ZFHX3: variants seen among roughly 807,000 people sequenced by gnomAD.
ZFHX3 encodes the protein zinc finger homeobox 3.
Under a neutral mutation model 279.1 loss-of-function variants are expected in ZFHX3, and 42 were observed. The ratio of observed to expected loss-of-function variants is 0.15; its 90% confidence interval spans 0.12 to 0.19. The LOEUF is 0.19. Ranked by LOEUF, ZFHX3 falls within the 10% of genes least tolerant of loss-of-function variation. The pLI is 1.00. For missense variants in ZFHX3, 4,981 were observed against 4,754.0 expected (o/e 1.05, Z -1.40); for synonymous variants, 2,293 against 1,957.8 (o/e 1.17, Z -4.52).
chr16:73,801,043 C>G (rs1960131764), intron 1 of ZFHX3, among the ~76,000 whole-genome samples: 1 of 152,186 alleles, frequency 6.6e-6, no homozygotes, highest in African/African-American at 2.4e-5. Flanking sequence ...AGCATTGACA[C>G]TGCCTGGAAA....
chr16:72,901,357 T>C (rs758484136), intron 3 of ZFHX3, among the ~76,000 whole-genome samples: 26 of 152,188 alleles, frequency 1.7e-4, no homozygotes, highest in Non-Finnish European at 3.7e-4. Flanking sequence ...AATTTGGTGC[T>C]CAAACCCAGA....
chr16:73,301,660 A>C (rs1350445291), intron 4 of ZFHX3, among the ~76,000 whole-genome samples: 1 of 152,212 alleles, frequency 6.6e-6, no homozygotes, highest in Non-Finnish European at 1.5e-5. Context: ...CCCGATACCA[A>C]GAAAGAGAGA....
intron 3 of ZFHX3, among the ~76,000 whole-genome samples, chr16:73,363,802 T>A (rs1597302245): frequency 2.0e-5 from 3 of 152,098 alleles, no homozygotes; most frequent in South Asian, 2.1e-4. Flanking sequence ...ACGGATAGCA[T>A]CCCTGGCCTC....
At chr16:73,812,863 G>A (rs1960461954) in intron 1 of ZFHX3, among the ~76,000 whole-genome samples, 1 of 152,182 alleles carries the variant, frequency 6.6e-6, no homozygotes, top group Non-Finnish European at 1.5e-5. Context: ...CTCCCAATAT[G>A]GGAGCAGCCT....
At position 72,958,115 on chromosome 16, in the gene ZFHX3, G is replaced by T. The variant is rs774876285; in HGVS notation, c.2031C>A (p.Asn677Lys). 1 of 1,614,200 alleles carries T rather than the reference G, an allele frequency of 6.2e-7. No homozygotes were observed. Among genetic ancestry groups the T allele is most frequent in the South Asian group, 1.1e-5 (1 of 91,090 alleles). The change falls in exon 2 of 10, where the codon AAC (asparagine) becomes AAA (lysine). Residue 677 changes from asparagine (N) to lysine (K), a missense_variant. This residue lies in a region of ZFHX3 where 1,068 missense variants were observed against 935.2 expected (regional missense o/e 1.14). Transcript: ENST00000268489. ...GGGTCTGCTGGTACTTATAGTGCCA[G>T]TTGCACTTGGGGCACTTGAGTGTCT... is the stretch of plus-strand genomic sequence containing the variant. ...SCKTLKCPKC[N>K]WHYKYQQTLE...
At chr16:72,835,735 C>A (rs1463698843) in intron 4 of ZFHX3, among the ~76,000 whole-genome samples, 4 of 152,026 alleles carry the variant, frequency 2.6e-5, no homozygotes, top group African/African-American at 4.8e-5. Flanking sequence ...GCCTCGCTCT[C>A]GTTCCTCTAA....
At chr16:72,999,162 TG>T (rs1214715914) in intron 1 of ZFHX3, among the ~76,000 whole-genome samples, 1 of 152,208 alleles carries the variant, frequency 6.6e-6, no homozygotes, top group Non-Finnish European at 1.5e-5. Flanking sequence ...TTTGTTTTTT[TG>T]TTTTGAGACA....
At chr16:73,538,611 T>C (rs544357841) in intron 2 of ZFHX3, among the ~76,000 whole-genome samples, 21 of 152,260 alleles carry the variant, frequency 1.4e-4, no homozygotes, top group Admixed American at 1.2e-3. Context: ...AACACACAAA[T>C]GTCCCCATCT....
At chr16:73,396,181 T>C (rs1219661814) in intron 3 of ZFHX3, among the ~76,000 whole-genome samples, 2 of 152,196 alleles carry the variant, frequency 1.3e-5, no homozygotes, top group African/African-American at 4.8e-5. Context: ...CGGGCATCTT[T>C]CTCCACTCCT....
chr16:72,946,414 G>A (rs180893505), intron 3 of ZFHX3, among the ~76,000 whole-genome samples: 6 of 152,306 alleles, frequency 3.9e-5, no homozygotes, highest in Non-Finnish European at 8.8e-5. Context: ...GCTAGAAACC[G>A]TTTTGAGTAA....
At chr16:72,805,202 G>A (rs1249649934) in intron 7 of ZFHX3, among the ~76,000 whole-genome samples, 3 of 151,764 alleles carry the variant, frequency 2.0e-5, no homozygotes, top group Non-Finnish European at 4.4e-5. Flanking sequence ...GGCTGGTCTC[G>A]AACTCCTGAC....
In ZFHX3 at chr16:72,907,545, T is replaced by TGTGTG. The variant is rs2039208549; in HGVS notation, c.3217-17584_3217-17583insCACAC. Among the ~76,000 whole-genome samples the TGTGTG allele has an allele frequency of 1.2e-4, 14 of 120,480 alleles. No individual in the cohort carries two copies. In the South Asian group the frequency reaches 1.3e-3, roughly 11 times the overall value. 79.0% of individuals were successfully genotyped at this position (120,480 alleles called of 152,430 possible). A position where few individuals can be genotyped will look rare whatever the true frequency, so the allele number is the denominator to read the frequency against. ...CTCGGTTTCCAAAGGTTTCCTCTAT[T>TGTGTG]TGTGTGTGTGTGTGTGTGTGTGTGT... On this transcript the variant is annotated intron_variant, in intron 3 of 9. Coordinates refer to ENST00000268489, the MANE Select transcript of ZFHX3 (RefSeq NM_006885.4).
intron 1 of ZFHX3, among the ~76,000 whole-genome samples, chr16:73,802,457 G>A (rs1206566472): frequency 6.6e-6 from 1 of 152,186 alleles, no homozygotes; most frequent in African/African-American, 2.4e-5. Context: ...TCATTTTGTG[G>A]TTGAAAGAAT....
At chr16:72,943,578 C>T (rs1480564358) in intron 3 of ZFHX3, among the ~76,000 whole-genome samples, 1 of 152,102 alleles carries the variant, frequency 6.6e-6, no homozygotes, top group African/African-American at 2.4e-5. Flanking sequence ...AAAAAATGTT[C>T]CCCCATCTAC....
At position 72,788,822 on chromosome 16, in the gene ZFHX3, T is replaced by A; in HGVS notation, c.9454A>T (p.Met3152Leu). Residue 3152 changes from methionine to leucine, a missense_variant, in exon 10 of 10, where the codon ATG becomes TTG. By Grantham distance (15) the Met-to-Leu change is conservative (BLOSUM62 2). This residue lies in a region of ZFHX3 where 1,034 missense variants were observed against 786.0 expected (regional missense o/e 1.32). Transcript: ENST00000268489. ...TALTSPKPNL[M>L]GLPSTTVPSP... ...GGAACAGTTGTGCTGGGCAGACCCA[T>A]CAAGTTCGGCTTAGGAGACGTTAAA... is the stretch of plus-strand genomic sequence containing the variant. The A allele has an allele frequency of 2.0e-6, 3 of 1,523,340 alleles. No homozygotes were observed. Among genetic ancestry groups the A allele is most frequent in the South Asian group, 1.3e-5 (1 of 75,072 alleles). 94.4% of individuals were successfully genotyped at this position (1,523,340 alleles called of 1,614,324 possible).
intron 4 of ZFHX3, among the ~76,000 whole-genome samples, chr16:73,282,535 C>A (rs190685923): frequency 6.1e-4 from 93 of 152,218 alleles, no homozygotes; most frequent in South Asian, 1.0e-3. Flanking sequence ...TTTTGACTGT[C>A]TTCCATATTG....
chr16:73,189,498 C>T (rs750737214), intron 5 of ZFHX3, among the ~76,000 whole-genome samples: 4 of 152,150 alleles, frequency 2.6e-5, no homozygotes, highest in African/African-American at 7.2e-5. Context: ...AGGTCTTTTC[C>T]GTCTTTAATT....
intron 4 of ZFHX3, among the ~76,000 whole-genome samples, chr16:72,835,056 G>C (rs1167448738): frequency 1.3e-5 from 2 of 152,118 alleles, no homozygotes; most frequent in Non-Finnish European, 2.9e-5. Context: ...CAGGGTATCT[G>C]TACCCGAGGC....
At chr16:73,218,216 C>T (rs1169722365) in intron 5 of ZFHX3, among the ~76,000 whole-genome samples, 1 of 152,130 alleles carries the variant, frequency 6.6e-6, no homozygotes, top group African/African-American at 2.4e-5. Flanking sequence ...TGTAGTGTGT[C>T]ACAACCATGC....
Sources: gnomAD v4.1 joint callset for allele counts (sites outside exome capture counted in the v4.1 genomes callset) on GRCh38, gnomAD v4.1.1 for gene constraint, gnomAD v4.1.1 regional missense constraint, MANE v1.5 for transcripts, NCBI Gene and HGNC (gene_info 2026-07-23, HGNC 2026-07-21) for gene names.